Variants in DGCR2 observed in about 807,000 individuals in gnomAD.
DGCR2 encodes the protein integral membrane protein DGCR2/IDD.
In DGCR2, 24 loss-of-function variants were observed where a neutral mutation model predicts 51.6. The observed-to-expected ratio is 0.47, with a 90% CI of 0.34 to 0.65. DGCR2 has a LOEUF of 0.65. DGCR2 is among the 30% of genes least tolerant of loss of function. The pLI is 0.01. For synonymous variants in DGCR2, 340 were observed against 315.4 expected (o/e 1.08, Z -0.82); for missense variants, 765 against 772.1 (o/e 0.99, Z 0.11).
At chr22:19,106,617 T>C (rs1428527298) in intron 1 of DGCR2, among the ~76,000 whole-genome samples, 1 of 151,890 alleles carries the variant, frequency 6.6e-6, no homozygotes, top group Non-Finnish European at 1.5e-5. Context: ...AATGATGAGA[T>C]TGGAAGTTTC....
At chr22:19,120,992 T>C (rs2083425286) in intron 1 of DGCR2, among the ~76,000 whole-genome samples, 1 of 152,204 alleles carries the variant, frequency 6.6e-6, no homozygotes, top group Non-Finnish European at 1.5e-5. Flanking sequence ...GGTCAGGGCC[T>C]TGGCCACCAG....
intron 2 of DGCR2, among the ~76,000 whole-genome samples, chr22:19,079,964 T>G (rs1045902683): frequency 6.6e-6 from 1 of 152,256 alleles, no homozygotes; most frequent in African/African-American, 2.4e-5. Flanking sequence ...GAGGCTCTAG[T>G]GAGCCTAGTG....
At chr22:19,070,583 G>C (rs1473205884) in intron 2 of DGCR2, among the ~76,000 whole-genome samples, 2 of 152,162 alleles carry the variant, frequency 1.3e-5, no homozygotes, top group Non-Finnish European at 2.9e-5. Context: ...AGGTCACATG[G>C]GCACCAAAGA....
intron 2 of DGCR2, among the ~76,000 whole-genome samples, chr22:19,086,087 C>T (rs1437094979): frequency 6.6e-6 from 1 of 152,058 alleles, no homozygotes; most frequent in Non-Finnish European, 1.5e-5. Flanking sequence ...ATTTAGCAGT[C>T]ATTAATTCAA....
intron 1 of DGCR2, among the ~76,000 whole-genome samples, chr22:19,091,634 G>C (rs769303947): frequency 1.8e-4 from 27 of 152,156 alleles, no homozygotes; most frequent in Non-Finnish European, 2.9e-4. Context: ...AGCAAGGGCT[G>C]GGCGTGGTGG....
intron 2 of DGCR2, among the ~76,000 whole-genome samples, chr22:19,085,397 C>A (rs1332529703): frequency 6.6e-6 from 1 of 152,206 alleles, no homozygotes; most frequent in Non-Finnish European, 1.5e-5. Context: ...AAGGCAGAAG[C>A]CACTGCAAAA....
rs2082387611 is a variant in DGCR2 at position 19,037,835 on chromosome 22, A to C, written c.*1030T>G. 2 of 152,644 alleles carry C rather than the reference A, an allele frequency of 1.3e-5. No homozygotes were observed. Among genetic ancestry groups the C allele is most frequent in the South Asian group, 4.1e-4 (2 of 4,838 alleles). 9.5% of individuals were successfully genotyped at this position (152,644 alleles called of 1,614,324 possible). A position where few individuals can be genotyped will look rare whatever the true frequency, so the allele number is the denominator to read the frequency against. On this transcript the variant is annotated 3_prime_UTR_variant, in exon 10 of 10. Transcript: ENST00000263196. ...GCTGAGGAGGGGCCGGGAGGTGTGC[A>C]TGCGGCCGCTGGGCACTGAGCTGCA...
intron 1 of DGCR2, among the ~76,000 whole-genome samples, chr22:19,101,528 G>A (rs967276094): frequency 1.3e-5 from 2 of 151,452 alleles, no homozygotes. Flanking sequence ...ATCACCTGAG[G>A]TCAAGAGTTC....
At chr22:19,121,240 G>C (rs1382871801) in intron 1 of DGCR2, among the ~76,000 whole-genome samples, 1 of 152,202 alleles carries the variant, frequency 6.6e-6, no homozygotes, top group African/African-American at 2.4e-5. Flanking sequence ...AAAGATGACT[G>C]TATTAATATA....
chr22:19,117,136 C>G (rs757466904), intron 1 of DGCR2, among the ~76,000 whole-genome samples: 1 of 152,154 alleles, frequency 6.6e-6, no homozygotes, highest in East Asian at 1.9e-4. Flanking sequence ...GATTACCTGC[C>G]GTCACTGCTA....
At chr22:19,080,794 C>A (rs895066895) in intron 2 of DGCR2, among the ~76,000 whole-genome samples, 2 of 152,280 alleles carry the variant, frequency 1.3e-5, no homozygotes, top group Middle Eastern at 3.4e-3. Flanking sequence ...TGTGGTTTCA[C>A]CACTGTACTC....
chr22:19,056,968 C>T lies in DGCR2; in HGVS notation c.802+18G>A, dbSNP rs2082610587. ...GGGCCCAGACATTCCCCAAGAACGC[C>T]AGCTCAAGGGGGCTTACTTCTTTTA... On this transcript the variant is annotated intron_variant, in intron 6 of 9. Transcript: ENST00000263196. 6.4e-7 allele frequency: 1 copy of T among 1,556,974 alleles called. No individual in the cohort carries two copies. Among genetic ancestry groups the T allele is most frequent in the Non-Finnish European group, 8.7e-7 (1 of 1,149,486 alleles).
rs886075711 is a variant in DGCR2 at position 19,057,791 on chromosome 22, G to A, written c.626-629C>T. On this transcript the variant is annotated intron_variant, in intron 5 of 9. Coordinates refer to ENST00000263196, the MANE Select transcript of DGCR2 (RefSeq NM_005137.3). The surrounding 1 kb of genome is among the most constrained non-coding windows in gnomAD (Gnocchi z 5.1). ...GCCAGGCACAAGGCAGTCAGAAACC[G>A]TGTACCCCTGCCGCAGAGAGCGTGA... 1.3e-5 allele frequency among the ~76,000 whole-genome samples: 2 copies of A among 152,066 alleles called. No homozygotes were observed. Among genetic ancestry groups the A allele is most frequent in the East Asian group, 1.9e-4 (1 of 5,142 alleles).
At chr22:19,098,667 A>G (rs2083168391) in intron 1 of DGCR2, among the ~76,000 whole-genome samples, 1 of 152,182 alleles carries the variant, frequency 6.6e-6, no homozygotes, top group Non-Finnish European at 1.5e-5. Flanking sequence ...AGATTACTGC[A>G]GCGTAGACAC....
At chr22:19,072,772 G>A (rs1182910482) in intron 2 of DGCR2, among the ~76,000 whole-genome samples, 1 of 152,206 alleles carries the variant, frequency 6.6e-6, no homozygotes, top group Non-Finnish European at 1.5e-5. Context: ...TACTCGGGAG[G>A]CTGAAGCAGG....
At chr22:19,063,096 G>T in intron 5 of DGCR2, 106 bp downstream of exon 5, 4 of 1,059,112 alleles carry the variant, frequency 3.8e-6, no homozygotes, top group Non-Finnish European at 4.2e-6. Flanking sequence ...TCCCTGCACA[G>T]CACCCCTACG....
At chr22:19,102,816 G>A (rs2083218155) in intron 1 of DGCR2, among the ~76,000 whole-genome samples, 1 of 152,100 alleles carries the variant, frequency 6.6e-6, no homozygotes, top group African/African-American at 2.4e-5. Context: ...GACCACCCCA[G>A]ACAACATAGT....
In DGCR2 at chr22:19,056,877, C is replaced by T. The variant is rs190217776; in HGVS notation, c.802+109G>A. 53 of 1,285,332 alleles carry T rather than the reference C, an allele frequency of 4.1e-5. No homozygotes were observed. In the Admixed American group the frequency reaches 4.5e-4, roughly 11 times the overall value. 79.6% of individuals were successfully genotyped at this position (1,285,332 alleles called of 1,614,324 possible). A position where few individuals can be genotyped will look rare whatever the true frequency, so the allele number is the denominator to read the frequency against. On this transcript the variant is annotated intron_variant, in intron 6 of 9. Coordinates refer to ENST00000263196, the MANE Select transcript of DGCR2 (RefSeq NM_005137.3). The stretch of plus-strand genomic sequence containing the variant: ...GGTGTGAGCTGGTAAGGGGCGTCCA[C>T]CGCAACACTGCAAATCAGGTTCTGC...
At chr22:19,095,581 A>T (rs1388356922) in intron 1 of DGCR2, among the ~76,000 whole-genome samples, 1 of 151,786 alleles carries the variant, frequency 6.6e-6, no homozygotes, top group African/African-American at 2.4e-5. Context: ...GAATGGCGTG[A>T]ACCCAGGAAG....
Sources: gnomAD v4.1 joint callset for allele counts (sites outside exome capture counted in the v4.1 genomes callset) on GRCh38, gnomAD v4.1.1 for gene constraint, Gnocchi (gnomAD v3.1) non-coding constraint, MANE v1.5 for transcripts, NCBI Gene and HGNC (gene_info 2026-07-23, HGNC 2026-07-21) for gene names.